The following CCDC138 variants were observed in gnomAD, a reference collection of about 807,000 sequenced individuals.
The protein encoded by CCDC138 is coiled-coil domain containing 138, also known as coiled-coil domain-containing protein 138.
CCDC138 carries 66 observed loss-of-function variants against 82.3 expected under a neutral mutation model. The ratio of observed to expected loss-of-function variants is 0.80; its 90% CI spans 0.66 to 0.98. The LOEUF is 0.98. Among genes scored for constraint, CCDC138 ranks in the 50% least tolerant of loss-of-function variants. CCDC138 has a pLI of 0.00. For missense variants in CCDC138, 816 were observed against 758.9 expected (o/e 1.08, Z -0.88); for synonymous variants, 297 against 265.4 (o/e 1.12, Z -1.16).
intron 3 of CCDC138, among the ~76,000 whole-genome samples, chr2:108,789,604 A>G (rs1376882300): frequency 6.6e-6 from 1 of 152,092 alleles, no homozygotes; most frequent in African/African-American, 2.4e-5. Context: ...GAAAGAAAAA[A>G]CGAACTACAA....
At chr2:108,800,516 C>T (rs898739389) in intron 6 of CCDC138, among the ~76,000 whole-genome samples, 36 of 151,604 alleles carry the variant, frequency 2.4e-4, no homozygotes, top group African/African-American at 8.0e-4. Context: ...CCACCTGCCT[C>T]GCCCTCCCAA....
At chr2:108,803,496 G>A (rs552551360) in intron 6 of CCDC138, among the ~76,000 whole-genome samples, 14 of 152,122 alleles carry the variant, frequency 9.2e-5, no homozygotes, top group South Asian at 2.1e-4. Context: ...AGGCTGGAGC[G>A]CAGTGGCTAT....
intron 7 of CCDC138, 88 bp downstream of exon 7, chr2:108,805,096 G>A (rs978817598): frequency 7.8e-5 from 49 of 627,524 alleles, no homozygotes; most frequent in Non-Finnish European, 7.1e-5. Flanking sequence ...CTTAGAACAC[G>A]TTTCAGCTAG....
chr2:108,845,444 A>G (rs1181845817), intron 11 of CCDC138, among the ~76,000 whole-genome samples: 2 of 152,172 alleles, frequency 1.3e-5, no homozygotes, highest in Non-Finnish European at 2.9e-5. Context: ...GATAGGGGAA[A>G]CTGCTATAAA....
chr2:108,791,656 T>A lies in CCDC138; in HGVS notation c.267-19T>A. 1.2e-6 allele frequency: 2 copies of A among 1,600,068 alleles called. No homozygotes were observed. Among genetic ancestry groups the A allele is most frequent in the Admixed American group, 3.4e-5 (2 of 58,906 alleles). ...ATAGTAAACTTCTAGATTGCTGTGA[T>A]ACAATTATTTTTTTAAAGCCTAGAT... On this transcript the variant is annotated intron_variant, in intron 3 of 14. Transcript: ENST00000295124.
intron 2 of CCDC138, among the ~76,000 whole-genome samples, chr2:108,788,466 C>T (rs1314731314): frequency 6.6e-6 from 1 of 151,388 alleles, no homozygotes; most frequent in Non-Finnish European, 1.5e-5. Flanking sequence ...CGCCTGTAAT[C>T]CCAGCACTTT....
intron 13 of CCDC138, among the ~76,000 whole-genome samples, chr2:108,863,942 A>G (rs1694012372): frequency 6.6e-6 from 1 of 152,200 alleles, no homozygotes; most frequent in African/African-American, 2.4e-5. Context: ...AGCTCTATTA[A>G]AAGTTACATA....
At chr2:108,799,596 T>C (rs1046526877) in intron 6 of CCDC138, among the ~76,000 whole-genome samples, 1 of 152,256 alleles carries the variant, frequency 6.6e-6, no homozygotes, top group Non-Finnish European at 1.5e-5. Flanking sequence ...TTATTTACAG[T>C]GTTTCTTGAC....
chr2:108,850,495 A>G (rs1691281647), intron 12 of CCDC138, among the ~76,000 whole-genome samples: 1 of 152,112 alleles, frequency 6.6e-6, no homozygotes, highest in African/African-American at 2.4e-5. Context: ...CCTGTCGCCC[A>G]GGCTGGAGTG....
At position 108,873,435 on chromosome 2, in the gene CCDC138, T is replaced by G; in HGVS notation, c.1694-16T>G. 6.4e-7 allele frequency: 1 copy of G among 1,572,834 alleles called. No individual in the cohort carries two copies. The highest frequency in any genetic ancestry group is 8.6e-7 in the Non-Finnish European group (1 of 1,164,048). On this transcript the variant is annotated splice_polypyrimidine_tract_variant and intron_variant, in intron 13 of 14. Coordinates refer to ENST00000295124, the MANE Select transcript of CCDC138 (RefSeq NM_144978.3). ...GCTACTCCCTAATAGTAAAGCACTG[T>G]TGATTTGTTTTGCAGAATCCTTGCA...
intron 12 of CCDC138, among the ~76,000 whole-genome samples, chr2:108,854,003 T>TATATATA (rs1491318379): frequency 0.013 from 77 of 5,896 alleles, 1 homozygote; most frequent in Middle Eastern, 0.1. Context: ...AAATTTATAT[T>TATATATA]ATATATAATA....
At chr2:108,870,370 C>CT (rs1695042918) in intron 13 of CCDC138, among the ~76,000 whole-genome samples, 1 of 152,054 alleles carries the variant, frequency 6.6e-6, no homozygotes, top group African/African-American at 2.4e-5. Flanking sequence ...TTACGCAGTA[C>CT]CATCAGGCAG....
chr2:108,873,417 C>T (rs767320921), intron 13 of CCDC138, 34 bp from the exon 14 acceptor site: 1 of 1,516,142 alleles, frequency 6.6e-7, no homozygotes, highest in Non-Finnish European at 8.8e-7. Flanking sequence ...TTCGCTACTC[C>T]CTAATAGTAA....
intron 13 of CCDC138, among the ~76,000 whole-genome samples, chr2:108,872,431 T>A (rs1344208555): frequency 1.3e-5 from 2 of 152,222 alleles, no homozygotes; most frequent in East Asian, 3.8e-4. Flanking sequence ...TACCCTACTT[T>A]TACTACATAG....
At chr2:108,871,560 AT>A (rs565613288) in intron 13 of CCDC138, among the ~76,000 whole-genome samples, 28 of 152,212 alleles carry the variant, frequency 1.8e-4, no homozygotes, top group African/African-American at 6.5e-4. Flanking sequence ...TCCAAAAAAA[AT>A]AAAAGTTCCT....
chr2:108,867,557 A>G (rs1694610272), intron 13 of CCDC138, among the ~76,000 whole-genome samples: 2 of 152,034 alleles, frequency 1.3e-5, no homozygotes, highest in African/African-American at 4.8e-5. Flanking sequence ...GCAAGTTCCT[A>G]CTCATCTTTC....
chr2:108,872,935 T>G (rs1023907649), intron 13 of CCDC138, among the ~76,000 whole-genome samples: 1 of 152,212 alleles, frequency 6.6e-6, no homozygotes, highest in African/African-American at 2.4e-5. Flanking sequence ...TCATCTAAAT[T>G]AAATGTGAGA....
At chr2:108,872,595 C>G (rs1018732010) in intron 13 of CCDC138, among the ~76,000 whole-genome samples, 2 of 152,020 alleles carry the variant, frequency 1.3e-5, no homozygotes, top group African/African-American at 4.8e-5. Flanking sequence ...GCTGGGAAAT[C>G]CAGTATCAAG....
intron 12 of CCDC138, among the ~76,000 whole-genome samples, chr2:108,853,044 T>G (rs1691791905): frequency 6.6e-6 from 1 of 152,044 alleles, no homozygotes; most frequent in Non-Finnish European, 1.5e-5. Flanking sequence ...TCATAACCTT[T>G]CGTGAGATCT....
Sources: allele counts gnomAD v4.1 joint callset (sites outside exome capture counted in the v4.1 genomes callset), GRCh38; gene constraint gnomAD v4.1.1; transcripts MANE v1.5; gene names NCBI Gene and HGNC (gene_info 2026-07-23, HGNC 2026-07-21).